Variants in SGCD observed in about 807,000 individuals in gnomAD.
SGCD encodes delta-sarcoglycan.
Under a neutral mutation model 36.6 loss-of-function variants are expected in SGCD, and 18 were observed. The ratio of observed to expected loss-of-function variants is 0.49; its 90% CI spans 0.34 to 0.73. The LOEUF (loss-of-function observed/expected upper bound fraction) is 0.73, where lower values mean the gene tolerates loss of function less well. Ranked by LOEUF, SGCD falls within the 30% of genes least tolerant of loss-of-function variation. The pLI, the probability that SGCD is intolerant of heterozygous loss-of-function variation, is 0.01. For missense variants in SGCD, 387 were observed against 346.7 expected, an observed-to-expected ratio of 1.12 and a Z score of -0.92; for synonymous variants, 133 against 130.6, an observed-to-expected ratio of 1.02 and a Z score of -0.12.
At chr5:155,846,010 A>G in the SGCD span, among the ~76,000 whole-genome samples, 9 of 152,252 alleles carry the variant, frequency 5.9e-5, no homozygotes, top group Admixed American at 3.9e-4. Context: ...GGAACTTGGG[A>G]GTTTTTCATG....
intron 7 of SGCD, among the ~76,000 whole-genome samples, chr5:156,714,927 T>C (rs1755152145): frequency 6.6e-6 from 1 of 152,258 alleles, no homozygotes; most frequent in Non-Finnish European, 1.5e-5. Flanking sequence ...TTTGTGAGAA[T>C]TGTATAAATA....
chr5:156,255,756 A>C (rs1176194083), intron 3 of SGCD, among the ~76,000 whole-genome samples: 1 of 151,996 alleles, frequency 6.6e-6, no homozygotes, highest in African/African-American at 2.4e-5. Flanking sequence ...TCCTTTCTTG[A>C]TCTCACCAGA....
intron 1 of SGCD, among the ~76,000 whole-genome samples, chr5:155,891,478 C>T (rs781293494): frequency 7.4e-5 from 11 of 147,882 alleles, no homozygotes; most frequent in Non-Finnish European, 1.0e-4. Context: ...TTAACTCCTG[C>T]TTTTTTCTTT....
chr5:156,324,379 C>T (rs1259422451), upstream of SGCD, among the ~76,000 whole-genome samples: 2 of 151,926 alleles, frequency 1.3e-5, no homozygotes, highest in Admixed American at 1.3e-4. Context: ...CTATCTTCAA[C>T]AAATGACATT....
intron 3 of SGCD, among the ~76,000 whole-genome samples, chr5:156,358,936 C>T (rs1769631588): frequency 6.6e-6 from 1 of 151,978 alleles, no homozygotes; most frequent in Non-Finnish European, 1.5e-5. Flanking sequence ...GCAACTTTTC[C>T]ATGCTACCTT....
chr5:156,392,484 A>G (rs1771629663), intron 3 of SGCD, among the ~76,000 whole-genome samples: 1 of 152,114 alleles, frequency 6.6e-6, no homozygotes, highest in African/African-American at 2.4e-5. Flanking sequence ...ACTCCATGGC[A>G]GTGTCTAGGG....
intron 7 of SGCD, among the ~76,000 whole-genome samples, chr5:156,654,713 C>T (rs1180477563): frequency 6.6e-6 from 1 of 152,060 alleles, no homozygotes; most frequent in African/African-American, 2.4e-5. Flanking sequence ...ACTTCTAGCT[C>T]TAAACAGCTA....
At chr5:155,835,509 T>G in the SGCD span, among the ~76,000 whole-genome samples, 1,457 of 152,238 alleles carry the variant, frequency 9.6e-3, 24 homozygotes, top group African/African-American at 0.034. Flanking sequence ...CACACATGAC[T>G]TTTCTTCTCT....
chr5:156,388,645 A>G (rs1771406437), intron 3 of SGCD, among the ~76,000 whole-genome samples: 1 of 152,230 alleles, frequency 6.6e-6, no homozygotes, highest in Non-Finnish European at 1.5e-5. Flanking sequence ...AGGATCTTGA[A>G]TGAGTTAATT....
intron 1 of SGCD, among the ~76,000 whole-genome samples, chr5:155,908,623 T>C (rs1756571749): frequency 6.6e-6 from 1 of 152,122 alleles, no homozygotes; most frequent in Non-Finnish European, 1.5e-5. Flanking sequence ...TGAGGTACAG[T>C]TGTCAAACCC....
chr5:156,273,252 A>C (rs1766226199), intron 3 of SGCD, among the ~76,000 whole-genome samples: 1 of 152,216 alleles, frequency 6.6e-6, no homozygotes, highest in Non-Finnish European at 1.5e-5. Context: ...AGTGGAAAGA[A>C]GCAAATACGA....
intron 1 of SGCD, among the ~76,000 whole-genome samples, chr5:155,918,809 G>A (rs575838769): frequency 3.5e-4 from 53 of 152,258 alleles, no homozygotes; most frequent in African/African-American, 1.2e-3. Context: ...ATCTCTAGCC[G>A]TCAATAGTTG....
intron 4 of SGCD, among the ~76,000 whole-genome samples, chr5:156,576,782 G>C (rs1338646059): frequency 6.7e-6 from 1 of 150,362 alleles, no homozygotes; most frequent in East Asian, 2.0e-4. Flanking sequence ...TTTTTTTCTT[G>C]TAAATGTAAG....
intron 7 of SGCD, among the ~76,000 whole-genome samples, chr5:156,732,065 G>A (rs1756105032): frequency 6.6e-6 from 1 of 152,088 alleles, no homozygotes; most frequent in Non-Finnish European, 1.5e-5. Context: ...GGGTTTTCTA[G>A]CTATAGAGTC....
rs138247886 is a variant in SGCD at position 156,021,776 on chromosome 5, G to A, written c.-281-96102G>A. Among the ~76,000 whole-genome samples the A allele has an allele frequency of 3.7e-4, 56 of 152,258 alleles. No homozygotes were observed. In the East Asian group the frequency reaches 0.01, roughly 28 times the overall value. On this transcript the variant is annotated intron_variant, in intron 1 of 9. Coordinates refer to the SGCD transcript ENST00000517913. ...TGGCATATCTCAGGAGCCAGAGGAA[G>A]GAGCATGAGGGTGAGAAGCAGAAAG...
At chr5:156,645,024 A>T (rs1763177025) in intron 6 of SGCD, among the ~76,000 whole-genome samples, 1 of 151,876 alleles carries the variant, frequency 6.6e-6, no homozygotes, top group Non-Finnish European at 1.5e-5. Flanking sequence ...CTTTAGATAG[A>T]TCCTGTCACA....
chr5:156,552,391 T>A (rs1758836192), intron 4 of SGCD, among the ~76,000 whole-genome samples: 1 of 152,328 alleles, frequency 6.6e-6, no homozygotes, highest in Non-Finnish European at 1.5e-5. Context: ...CTGACCTAGG[T>A]ACAACAGTGG....
At chr5:155,949,447 T>A (rs919031871) in intron 1 of SGCD, among the ~76,000 whole-genome samples, 11 of 152,206 alleles carry the variant, frequency 7.2e-5, no homozygotes, top group Admixed American at 6.5e-4. Flanking sequence ...GGCATTATAG[T>A]GTTCCCTGTT....
At chr5:155,897,159 G>T (rs244973) in intron 1 of SGCD, among the ~76,000 whole-genome samples, 150,892 of 152,320 alleles carry the variant, frequency 0.99, 74,744 homozygotes, top group Middle Eastern at 1. Context: ...GCCTGCTACC[G>T]AGGCTATATG....
Sources: gnomAD v4.1 joint callset for allele counts (sites outside exome capture counted in the v4.1 genomes callset) on GRCh38, gnomAD v4.1.1 for gene constraint, MANE v1.5 for transcripts, NCBI Gene and HGNC (gene_info 2026-07-23, HGNC 2026-07-21) for gene names.